SDHAF2: variants seen among roughly 807,000 people sequenced by gnomAD.
SDHAF2 encodes the protein succinate dehydrogenase assembly factor 2, mitochondrial.
Under a neutral mutation model 18.5 loss-of-function variants are expected in SDHAF2, and 21 were observed. The ratio of observed to expected loss-of-function variants is 1.13; its 90% confidence interval spans 0.80 to 1.63. The LOEUF (loss-of-function observed/expected upper bound fraction) is 1.63. Among genes scored for constraint, SDHAF2 ranks in the 40% most tolerant of loss-of-function variants. The probability of loss-of-function intolerance (pLI) is 0.00; values close to 1 mark genes in which losing one functional copy is unlikely to be tolerated. For synonymous variants in SDHAF2, 84 were observed against 70.7 expected, an observed-to-expected ratio of 1.19 and a Z score of -0.94; for missense variants, 195 against 200.3, an observed-to-expected ratio of 0.97 and a Z score of 0.16.
intron 2 of SDHAF2, 53 bp from the exon 3 acceptor site, chr11:61,437,951 T>C: frequency 1.3e-6 from 2 of 1,585,870 alleles, no homozygotes; most frequent in Non-Finnish European, 1.7e-6. Flanking sequence ...ACTTCTCTTT[T>C]ATTAGACACA....
intron 1 of SDHAF2, chr11:61,434,124 T>C (rs1861965672): frequency 6.6e-6 from 1 of 152,234 alleles, no homozygotes; most frequent in South Asian, 2.1e-4. Flanking sequence ...TTAATTGAGA[T>C]CTGTTAGGCT....
At chr11:61,439,624 T>A (rs1190243549) in intron 3 of SDHAF2, among the ~76,000 whole-genome samples, 1 of 152,214 alleles carries the variant, frequency 6.6e-6, no homozygotes, top group Admixed American at 6.5e-5. Context: ...GTTCCAGGTA[T>A]GAAGAGTGAT....
rs542586563 is a variant in SDHAF2 at position 61,444,025 on chromosome 11, G to A, written c.371-1916G>A. 883 of 152,510 alleles carry A rather than the reference G, an allele frequency of 5.8e-3. 3 individuals are homozygous for A. The highest frequency in any genetic ancestry group is 9.5e-3 in the Non-Finnish European group (647 of 68,254). 9.4% of individuals were successfully genotyped at this position (152,510 alleles called of 1,614,324 possible). A position where few individuals can be genotyped will look rare whatever the true frequency, so the allele number is the denominator to read the frequency against. On this transcript the variant is annotated intron_variant, in intron 3 of 3. Coordinates refer to ENST00000301761, the MANE Select transcript of SDHAF2 (RefSeq NM_017841.4). ...CCTGACCTCGTGATCCACCCGCCTC[G>A]GCCTCCCAAAGTGCTGGGATTACAG...
At chr11:61,431,752 A>G in intron 1 of SDHAF2, 1 of 152,152 alleles carries the variant, frequency 6.6e-6, no homozygotes, top group Middle Eastern at 3.2e-3. Context: ...GTTGGAGTGC[A>G]GTGGCATGAT....
At chr11:61,432,668 CTT>C (rs1268949339) in intron 1 of SDHAF2, 3 of 145,848 alleles carry the variant, frequency 2.1e-5, no homozygotes, top group East Asian at 2.1e-4. Flanking sequence ...CTTTTCCACT[CTT>C]GTCATCCTTT....
intron 3 of SDHAF2, among the ~76,000 whole-genome samples, chr11:61,439,160 AC>A (rs759378117): frequency 2.6e-5 from 4 of 152,346 alleles, no homozygotes; most frequent in Non-Finnish European, 5.9e-5. Context: ...AATGGCTTAA[AC>A]AAGGTAGAAC....
intron 1 of SDHAF2, chr11:61,432,506 T>A (rs1861945737): frequency 6.9e-6 from 1 of 145,046 alleles, no homozygotes; most frequent in Non-Finnish European, 1.5e-5. Flanking sequence ...ATTGTTGTAT[T>A]ATTTATTTCT....
In SDHAF2 at chr11:61,437,748, C is replaced by A; in HGVS notation, c.160C>A (p.Pro54Thr). ...QKDMIEIPLPPWQERTDESIE... is the reference protein window; with the variant it reads ...QKDMIEIPLPTWQERTDESIE... ...GGACATGATTGAAATCCCTTTGCCT[C>A]CATGGCAGGAGAGAACTGATGAATC... The change falls in exon 2 of 4, where the codon CCA becomes ACA. Residue 54 changes from proline to threonine, a missense_variant. Coordinates refer to ENST00000301761, the MANE Select transcript of SDHAF2 (RefSeq NM_017841.4). 1 of 1,614,166 alleles carries A rather than the reference C, an allele frequency of 6.2e-7. No individual in the cohort carries two copies. The highest frequency in any genetic ancestry group is 8.5e-7 in the Non-Finnish European group (1 of 1,180,002).
rs1354488247 is a variant in SDHAF2, at chr11:61,437,900, G to A, written c.260+52G>A. The A allele has an allele frequency of 2.5e-6, 4 of 1,577,064 alleles. No homozygotes were observed. In the South Asian group the frequency reaches 3.3e-5, roughly 13 times the overall value. On this transcript the variant is annotated intron_variant, in intron 2 of 3. Coordinates refer to ENST00000301761, the MANE Select transcript of SDHAF2 (RefSeq NM_017841.4). ...AAATCGGGCAGCTTCCTGAGCCAGA[G>A]TAGGTTCAGAGAGACTCCCAGGAGT...
intron 3 of SDHAF2, 39 bp downstream of exon 3, chr11:61,438,152 C>G: frequency 7.0e-7 from 1 of 1,436,634 alleles, no homozygotes; most frequent in Non-Finnish European, 9.8e-7. Flanking sequence ...GAAAATAGGA[C>G]AGTTTAGGCT....
At chr11:61,437,582 AGTC>A in intron 1 of SDHAF2, 40 bp from the exon 2 acceptor site, 1 of 1,473,722 alleles carries the variant, frequency 6.8e-7, no homozygotes, top group Non-Finnish European at 9.5e-7. Flanking sequence ...TAGCGATGAT[AGTC>A]GTCATTATTG....
At chr11:61,432,297 T>C (rs1355000936) in intron 1 of SDHAF2, 2 of 152,198 alleles carry the variant, frequency 1.3e-5, no homozygotes, top group African/African-American at 4.8e-5. Context: ...TTTGTATCCA[T>C]GGGATGACTG....
chr11:61,445,362 T>C (rs1432350463), intron 3 of SDHAF2, among the ~76,000 whole-genome samples: 2 of 152,210 alleles, frequency 1.3e-5, no homozygotes, highest in African/African-American at 4.8e-5. Context: ...ATCTGGTTCT[T>C]TAGGCTCATG....
In SDHAF2 at chr11:61,438,087, A is replaced by G; in HGVS notation, c.344A>G (p.Asp115Gly). 6.2e-7 allele frequency: 1 copy of G among 1,613,944 alleles called. No homozygotes were observed. The highest frequency in any genetic ancestry group is 2.2e-5 in the East Asian group (1 of 44,888). Residue 115 changes from aspartate (D) to glycine (G), a missense_variant, in exon 3 of 4, where the codon GAC becomes GGC. Transcript: ENST00000301761. ...YDRLINEPSN[D>G]WDIYYWATEA... ...CGCCTGATTAACGAGCCTAGTAATG[A>G]CTGGGATATTTACTACTGGGCCACA...
chr11:61,441,712 AG>A (rs1806691530), intron 3 of SDHAF2, among the ~76,000 whole-genome samples: 1 of 152,068 alleles, frequency 6.6e-6, no homozygotes, highest in African/African-American at 2.4e-5. Flanking sequence ...TTGTATTATC[AG>A]GGTTTTGTTT....
chr11:61,443,721 C>T (rs1037186350), intron 3 of SDHAF2, among the ~76,000 whole-genome samples: 2 of 152,176 alleles, frequency 1.3e-5, no homozygotes, highest in Non-Finnish European at 2.9e-5. Context: ...AAGCGATTCT[C>T]CTGCCTCAGC....
At chr11:61,433,643 G>A (rs543151219) in intron 1 of SDHAF2, 6 of 152,254 alleles carry the variant, frequency 3.9e-5, no homozygotes, top group African/African-American at 1.2e-4. Flanking sequence ...AAATTCATTC[G>A]TCAGGGCCCA....
chr11:61,437,031 G>T, intron 1 of SDHAF2: 5 of 1,169,934 alleles, frequency 4.3e-6, no homozygotes, highest in Non-Finnish European at 5.4e-6. Context: ...AATTATTTCT[G>T]CTGGGATAGT....
At chr11:61,440,957 T>C (rs1290586188) in intron 3 of SDHAF2, among the ~76,000 whole-genome samples, 1 of 152,170 alleles carries the variant, frequency 6.6e-6, no homozygotes, top group Non-Finnish European at 1.5e-5. Context: ...ATTCCAGCGC[T>C]TTGGAAGGCT....
Sources: allele counts gnomAD v4.1 joint callset (sites outside exome capture counted in the v4.1 genomes callset), GRCh38; gene constraint gnomAD v4.1.1; transcripts MANE v1.5; gene names NCBI Gene and HGNC (gene_info 2026-07-23, HGNC 2026-07-21).